FAM193A: variants seen among roughly 807,000 people sequenced by gnomAD.
The protein encoded by FAM193A is protein FAM193A.
FAM193A carries 22 observed loss-of-function variants against 126.5 expected under a neutral mutation model. That is an observed-to-expected ratio of 0.17 (90% CI 0.12 to 0.25). FAM193A has a LOEUF of 0.25. FAM193A is among the 10% of genes least tolerant of loss of function. The probability of loss-of-function intolerance (pLI) is 1.00; values close to 1 mark genes in which losing one functional copy is unlikely to be tolerated. For synonymous variants in FAM193A, 761 were observed against 646.8 expected (o/e 1.18, Z -2.68); for missense variants, 1,675 against 1,672.8 (o/e 1.00, Z -0.02).
intron 5 of FAM193A, 111 bp downstream of exon 5, chr4:2,631,280 A>C: frequency 1.1e-6 from 1 of 900,356 alleles, no homozygotes; most frequent in Non-Finnish European, 1.7e-6. Flanking sequence ...ACCCCCACAC[A>C]CTGTGATAGG....
chr4:2,644,181 G>C (rs182247130), intron 6 of FAM193A, among the ~76,000 whole-genome samples: 31 of 152,274 alleles, frequency 2.0e-4, no homozygotes, highest in Admixed American at 1.9e-3. Flanking sequence ...CCTGCAGATT[G>C]CTTTTCAATT....
intron 2 of FAM193A, among the ~76,000 whole-genome samples, chr4:2,600,291 C>G (rs972305206): frequency 6.6e-6 from 1 of 152,216 alleles, no homozygotes; most frequent in African/African-American, 2.4e-5. Flanking sequence ...TCCTAGGAGC[C>G]TGAGTTCCCG....
intron 1 of FAM193A, among the ~76,000 whole-genome samples, chr4:2,543,084 G>GTTTTC (rs112808605): frequency 7.0e-6 from 1 of 143,646 alleles, no homozygotes; most frequent in African/African-American, 2.5e-5. Context: ...CGCTACCTCA[G>GTTTTC]TTTTCTTTTC....
chr4:2,612,151 A>G (rs1741917968), intron 2 of FAM193A, among the ~76,000 whole-genome samples: 1 of 151,420 alleles, frequency 6.6e-6, no homozygotes, highest in Non-Finnish European at 1.5e-5. Context: ...TTGTGTTTCT[A>G]AATGATTTTG....
Position 2,639,842 on chromosome 4 carries a change from A to G in FAM193A, c.1146A>G (p.Ala382=), listed in dbSNP as rs368845434. 1.2e-6 allele frequency: 2 copies of G among 1,613,866 alleles called. No individual in the cohort carries two copies. The highest frequency in any genetic ancestry group is 1.3e-5 in the African/African-American group (1 of 74,910). Residue 382 remains alanine, a synonymous_variant, in exon 6 of 21, where the codon GCA becomes GCG. Transcript: ENST00000637812. ...SEPLLQSNLP[A]LVSQIRLGTT... is the part of the protein sequence containing the mutation. ...CACTTCTTCAGAGCAACTTGCCCGC[A>G]CTGGTGTCACAGATCAGGTATTTTG...
chr4:2,672,000 G>T (rs1713852758), intron 12 of FAM193A, 121 bp from the exon 13 acceptor site: 3 of 1,032,156 alleles, frequency 2.9e-6, no homozygotes, highest in African/African-American at 1.6e-5. Flanking sequence ...AACTCAGGGT[G>T]TCAGGAAAAG....
chr4:2,552,918 G>A (rs918074411), intron 1 of FAM193A, among the ~76,000 whole-genome samples: 5 of 148,362 alleles, frequency 3.4e-5, no homozygotes, highest in Non-Finnish European at 5.9e-5. Flanking sequence ...TGCAGTCTTG[G>A]CTCACTGCAA....
chr4:2,575,342 G>C (rs1466324445), intron 1 of FAM193A, among the ~76,000 whole-genome samples: 2 of 152,230 alleles, frequency 1.3e-5, no homozygotes, highest in South Asian at 2.1e-4. Flanking sequence ...CGCTCAGTCA[G>C]GGCCAGGCTT....
At chr4:2,697,348 T>G (rs1717156887) in intron 18 of FAM193A, among the ~76,000 whole-genome samples, 1 of 151,986 alleles carries the variant, frequency 6.6e-6, no homozygotes, top group South Asian at 2.1e-4. Flanking sequence ...AGAGTGAGAC[T>G]GTCTCAAAAA....
chr4:2,576,811 A>G (rs996344918), intron 1 of FAM193A, among the ~76,000 whole-genome samples: 2 of 152,164 alleles, frequency 1.3e-5, no homozygotes, highest in African/African-American at 2.4e-5. Context: ...TGTTACCCCA[A>G]TTTTATGCTG....
intron 1 of FAM193A, among the ~76,000 whole-genome samples, chr4:2,576,271 T>G (rs1739582114): frequency 1.3e-5 from 2 of 152,070 alleles, no homozygotes; most frequent in East Asian, 1.9e-4. Flanking sequence ...CTAATTCTTT[T>G]GTAATTTTAG....
chr4:2,648,918 G>A (rs543231758), intron 7 of FAM193A, among the ~76,000 whole-genome samples: 1 of 152,318 alleles, frequency 6.6e-6, no homozygotes, highest in East Asian at 1.9e-4. Context: ...CTTGACTTGG[G>A]TCCCAGGGAG....
intron 2 of FAM193A, chr4:2,608,107 G>A (rs1011346572): frequency 3.1e-6 from 5 of 1,608,046 alleles, no homozygotes; most frequent in African/African-American, 2.7e-5. Context: ...GTGCTTCCAC[G>A]ATCTACTATA....
intron 3 of FAM193A, 81 bp downstream of exon 3, chr4:2,625,476 T>G (rs1742857101): frequency 1.7e-6 from 1 of 596,660 alleles, no homozygotes; most frequent in African/African-American, 1.8e-5. Context: ...ACGGAGAAAC[T>G]GGGCTAATGT....
chr4:2,687,279 A>G (rs7340952), intron 13 of FAM193A, among the ~76,000 whole-genome samples: 10,643 of 152,246 alleles, frequency 0.07, 663 homozygotes, highest in African/African-American at 0.16. Context: ...AGTAGTCTCT[A>G]AGACTATTGT....
At chr4:2,678,457 G>C (rs531708206) in intron 13 of FAM193A, among the ~76,000 whole-genome samples, 28 of 149,332 alleles carry the variant, frequency 1.9e-4, no homozygotes, top group South Asian at 6.5e-4. Flanking sequence ...CCACCACCCA[G>C]GTTCAAGCGA....
At chr4:2,715,161 G>C (rs1454581394) in intron 19 of FAM193A, among the ~76,000 whole-genome samples, 2 of 152,140 alleles carry the variant, frequency 1.3e-5, no homozygotes, top group Non-Finnish European at 2.9e-5. Context: ...GTTTTTGTTT[G>C]GAACAACTTG....
intron 1 of FAM193A, among the ~76,000 whole-genome samples, chr4:2,551,890 G>T (rs1033824649): frequency 6.6e-6 from 1 of 151,548 alleles, no homozygotes; most frequent in Non-Finnish European, 1.5e-5. Context: ...TCCTAGTCTG[G>T]AGTGCTGTGG....
At chr4:2,675,294 A>G (rs944033855) in intron 13 of FAM193A, among the ~76,000 whole-genome samples, 7 of 152,154 alleles carry the variant, frequency 4.6e-5, no homozygotes, top group Non-Finnish European at 8.8e-5. Context: ...GTCAGTCAGC[A>G]ACTATGTTTT....
Sources: allele counts gnomAD v4.1 joint callset (sites outside exome capture counted in the v4.1 genomes callset), GRCh38; gene constraint gnomAD v4.1.1; transcripts MANE v1.5; gene names NCBI Gene and HGNC (gene_info 2026-07-23, HGNC 2026-07-21).